The following TREH variants were observed in gnomAD, a reference collection of about 807,000 sequenced individuals.
TREH encodes the protein trehalase, also known as alpha,alpha-trehalose glucohydrolase.
A neutral mutation model predicts 80.5 loss-of-function variants in TREH; 69 were observed. That is an observed-to-expected ratio of 0.86 (90% CI 0.71 to 1.05). TREH has a LOEUF of 1.05. Among genes scored for constraint, TREH ranks in the 50% least tolerant of loss-of-function variants. The pLI is 0.00. For synonymous variants in TREH, 309 were observed against 293.5 expected, an observed-to-expected ratio of 1.05 and a Z score of -0.54; for missense variants, 716 against 718.8, an observed-to-expected ratio of 1.00 and a Z score of 0.04.
In TREH at chr11:118,658,809, G is replaced by A. The variant is rs183549032; in HGVS notation, c.1546-76C>T. 1,058 of 1,610,704 alleles carry A rather than the reference G, an allele frequency of 6.6e-4. 5 individuals are homozygous for A. In the African/African-American group the frequency reaches 8.4e-3, roughly 13 times the overall value. Reference sequence around the variant, plus strand: ...GAACAACAAACAACCAGAGCCCCTGGGGAGAAGCTGCTCTGCCTGCCCAGC... The same window carrying A: ...GAACAACAAACAACCAGAGCCCCTGAGGAGAAGCTGCTCTGCCTGCCCAGC... On this transcript the variant is annotated intron_variant, in intron 13 of 14. Transcript: ENST00000264029.
At chr11:118,667,278 A>G (rs1949386702) in intron 1 of TREH, among the ~76,000 whole-genome samples, 1 of 152,166 alleles carries the variant, frequency 6.6e-6, no homozygotes, top group Admixed American at 6.5e-5. Context: ...TCCCAGGCCC[A>G]GGTAATCCTC....
At chr11:118,659,347 C>T in intron 12 of TREH, 23 bp downstream of exon 12, 1 of 1,519,606 alleles carries the variant, frequency 6.6e-7, no homozygotes, top group South Asian at 1.3e-5. Flanking sequence ...GGGTCCTTGG[C>T]TGTGTCAGCC....
In TREH at chr11:118,659,917, A is replaced by G; in HGVS notation, c.1150T>C (p.Leu384=). 2.6e-6 allele frequency: 4 copies of G among 1,551,736 alleles called. No individual in the cohort carries two copies. Among genetic ancestry groups the G allele is most frequent in the Non-Finnish European group, 3.5e-6 (4 of 1,147,010 alleles). Residue 384 remains leucine (L), a synonymous_variant, in exon 11 of 15, where the codon TTG becomes CTG. Coordinates refer to ENST00000264029, the MANE Select transcript of TREH (RefSeq NM_007180.3). ...CACAGGACTGTGTTCAGGGCGGCCA[A>G]GCGCTGCGACCGCAGGATTCTGTAC... ...TKYRILRSQR[L]AALNTVLWDE...
At chr11:118,660,149 C>T (rs544444967) in intron 10 of TREH, among the ~76,000 whole-genome samples, 185 bp from the exon 11 acceptor site, 4 of 152,344 alleles carry the variant, frequency 2.6e-5, no homozygotes, top group African/African-American at 9.6e-5. Context: ...CGCACTGCTC[C>T]CAGGGAACCA....
In TREH at chr11:118,662,873, G is replaced by A. The variant is rs367931400; in HGVS notation, c.423+8C>T. The A allele has an allele frequency of 4.6e-5, 72 of 1,572,244 alleles. No individual in the cohort carries two copies. The highest frequency in any genetic ancestry group is 1.7e-4 in the Admixed American group (9 of 53,206). On this transcript the variant is annotated splice_region_variant and intron_variant, in intron 4 of 14. Coordinates refer to ENST00000264029, the MANE Select transcript of TREH (RefSeq NM_007180.3). The stretch of plus-strand genomic sequence containing the variant: ...GTCAGGCCTTGGGCAGGCCCAGGAC[G>A]CTGATACCTTCTTCCCCAGCTTCTT...
At position 118,663,567 on chromosome 11, in the gene TREH, G is replaced by A. The variant is rs115603673; in HGVS notation, c.90-128C>T. On this transcript the variant is annotated intron_variant, in intron 1 of 14. Transcript: ENST00000264029. The stretch of plus-strand genomic sequence containing the variant: ...GGGACTGGACAAGGGCTGTGTGTGC[G>A]TGCGTGTGTGTGTGTGTGTTAGGAG... The A allele has an allele frequency of 3.1e-3, 2,231 of 725,420 alleles. 25 individuals carry two copies. The African/African-American group carries it at 0.034, about 11-fold the overall frequency. 44.9% of individuals were successfully genotyped at this position (725,420 alleles called of 1,614,324 possible). A position where few individuals can be genotyped will look rare whatever the true frequency, so the allele number is the denominator to read the frequency against.
chr11:118,660,055 G>A, intron 10 of TREH, 91 bp from the exon 11 acceptor site: 1 of 1,228,256 alleles, frequency 8.1e-7, no homozygotes, highest in Non-Finnish European at 1.1e-6. Flanking sequence ...TCCCCGCTTT[G>A]TGTTTCTCTG....
chr11:118,663,245 C>A lies in TREH; in HGVS notation c.191-49G>T, dbSNP rs782132256. 30 of 1,571,214 alleles carry A rather than the reference C, an allele frequency of 1.9e-5. 2 individuals are homozygous for A. The Admixed American group carries it at 5.7e-4, about 30-fold the overall frequency. On this transcript the variant is annotated intron_variant, in intron 2 of 14. Transcript: ENST00000264029. Reference sequence around the variant, plus strand: ...GGTCAGCAGGGTGTCACAAGCCACTCCCTAATCACAGGGGCCTCTCTACTT... The same window carrying A: ...GGTCAGCAGGGTGTCACAAGCCACTACCTAATCACAGGGGCCTCTCTACTT...
In TREH at chr11:118,658,136, C is replaced by T; in HGVS notation, c.*153G>A. On this transcript the variant is annotated 3_prime_UTR_variant, in exon 15 of 15. Transcript: ENST00000264029. ...CAAGGTTCCAGGAGGGAGCTAGGCC[C>T]CTACCCATGACCTCCAGGTCGTGAC... 1 of 1,093,188 alleles carries T rather than the reference C, an allele frequency of 9.1e-7. No individual in the cohort carries two copies. Among genetic ancestry groups the T allele is most frequent in the South Asian group, 1.6e-5 (1 of 61,346 alleles). The allele number at this position is 1,093,188 out of a possible 1,614,324, so 67.7% of individuals were successfully genotyped here.
intron 14 of TREH, 75 bp from the exon 15 acceptor site, chr11:118,658,516 C>G: frequency 1.9e-6 from 3 of 1,552,586 alleles, no homozygotes; most frequent in Non-Finnish European, 2.6e-6. Context: ...GGCTCTCTCC[C>G]CAGGGGCACT....
At position 118,674,196 on chromosome 11, in the gene TREH, A is replaced by G. The variant is rs1949455776; in HGVS notation, c.89+5343T>C. On this transcript the variant is annotated intron_variant, in intron 1 of 14. Coordinates refer to ENST00000264029, the MANE Select transcript of TREH (RefSeq NM_007180.3). This position sits in a 1 kb window ranked among gnomAD's most constrained non-coding sequence, Gnocchi z 4.4. ...CCTTCAGTCATAGGGGCAATTTCAAATAATGTCTGATAGCAAGCTAATAAT... is the reference window on the plus strand; with the variant it reads ...CCTTCAGTCATAGGGGCAATTTCAAGTAATGTCTGATAGCAAGCTAATAAT... 1.3e-5 allele frequency among the ~76,000 whole-genome samples: 2 copies of G among 152,224 alleles called. No individual in the cohort carries two copies.
chr11:118,668,732 G>A (rs1202630486), intron 1 of TREH, among the ~76,000 whole-genome samples: 1 of 152,112 alleles, frequency 6.6e-6, no homozygotes, highest in Non-Finnish European at 1.5e-5. Flanking sequence ...TTGAGGTTAG[G>A]AGTTCGAGAC....
chr11:118,659,578 T>C (rs1949285403), intron 11 of TREH, 97 bp from the exon 12 acceptor site: 4 of 1,362,520 alleles, frequency 2.9e-6, no homozygotes, highest in African/African-American at 2.9e-5. Context: ...GTCCCCTTCC[T>C]GGCTCTTCTT....
At position 118,657,937 on chromosome 11, in the gene TREH, A is replaced by C; in HGVS notation, c.*352T>G. 1 of 246,264 alleles carries C rather than the reference A, an allele frequency of 4.1e-6. No individual in the cohort carries two copies. Among genetic ancestry groups the C allele is most frequent in the Non-Finnish European group, 7.9e-6 (1 of 125,844 alleles). 15.3% of individuals were successfully genotyped at this position (246,264 alleles called of 1,614,324 possible). ...GCCCACCTCCCCTGCTCTCCTTCCC[A>C]GCATTGAGCCCTTGGTTGCCTGGGC... On this transcript the variant is annotated 3_prime_UTR_variant, in exon 15 of 15. Transcript: ENST00000264029.
chr11:118,660,991 A>G lies in TREH; in HGVS notation c.858-76T>C. 1.9e-6 allele frequency: 3 copies of G among 1,545,850 alleles called. No individual in the cohort carries two copies. In the South Asian group the frequency reaches 3.5e-5, roughly 18 times the overall value. ...TCTGTGGTCAAGAAGAGGCTGAGCC[A>G]TCTTGATCCAGCTGCCCTTGGGCCC... On this transcript the variant is annotated intron_variant, in intron 8 of 14. Transcript: ENST00000264029.
intron 1 of TREH, among the ~76,000 whole-genome samples, chr11:118,669,537 T>C (rs1591834925): frequency 1.3e-5 from 2 of 152,308 alleles, no homozygotes; most frequent in South Asian, 2.1e-4. Flanking sequence ...GATCCTGCCA[T>C]TTGCAAGAAC....
At chr11:118,667,175 CCCAG>C (rs1268811451) in intron 1 of TREH, among the ~76,000 whole-genome samples, 2 of 152,074 alleles carry the variant, frequency 1.3e-5, no homozygotes, top group East Asian at 3.9e-4. Context: ...GGCCACTGCA[CCCAG>C]CCTATTTTTT....
intron 1 of TREH, among the ~76,000 whole-genome samples, chr11:118,678,165 T>C (rs1188015478): frequency 6.6e-6 from 1 of 152,148 alleles, no homozygotes; most frequent in Non-Finnish European, 1.5e-5. Context: ...GGCCTCTGCA[T>C]GGCCCTTTCC....
chr11:118,664,366 C>T (rs1949357279), intron 1 of TREH, among the ~76,000 whole-genome samples: 5 of 152,152 alleles, frequency 3.3e-5, no homozygotes, highest in Admixed American at 1.3e-4. Flanking sequence ...ATAGAAGAAT[C>T]GAATGATAAA....
Sources: allele counts gnomAD v4.1 joint callset (sites outside exome capture counted in the v4.1 genomes callset), GRCh38; gene constraint gnomAD v4.1.1; non-coding constraint Gnocchi (gnomAD v3.1); transcripts MANE v1.5; gene names NCBI Gene and HGNC (gene_info 2026-07-23, HGNC 2026-07-21).